TEX10: variants seen among roughly 807,000 people sequenced by gnomAD.
The protein encoded by TEX10 is testis expressed 10, also known as testis-expressed protein 10.
A neutral mutation model predicts 104.4 loss-of-function variants in TEX10; 24 were observed. The ratio of observed to expected loss-of-function variants is 0.23; its 90% CI spans 0.17 to 0.32. TEX10 has a LOEUF of 0.32. TEX10 is among the 10% of genes least tolerant of loss of function. The pLI is 1.00. For missense variants in TEX10, 921 were observed against 1,083.9 expected (o/e 0.85, Z 2.11); for synonymous variants, 396 against 393.4 (o/e 1.01, Z -0.08).
At chr9:100,315,622 A>ATTT (rs1248929183) in intron 11 of TEX10, among the ~76,000 whole-genome samples, 1 of 152,156 alleles carries the variant, frequency 6.6e-6, no homozygotes, top group East Asian at 1.9e-4. Context: ...TGTTTGTATG[A>ATTT]GTATCTTTTA....
At chr9:100,339,978 TA>T (rs1434781964) in intron 5 of TEX10, among the ~76,000 whole-genome samples, 1 of 152,128 alleles carries the variant, frequency 6.6e-6, no homozygotes, top group Non-Finnish European at 1.5e-5. Context: ...AAATAAACCA[TA>T]CACCTTGGCA....
intron 1 of TEX10, among the ~76,000 whole-genome samples, chr9:100,351,659 C>G (rs2118950337): frequency 6.6e-6 from 1 of 152,292 alleles, no homozygotes; most frequent in East Asian, 1.9e-4. Context: ...AGTCTACTGT[C>G]AACTTCATGC....
Position 100,307,461 on chromosome 9 carries a change from C to T in TEX10, c.2465+1039G>A, listed in dbSNP as rs1834169053. The T allele has an allele frequency of 3.3e-5, 5 of 152,102 alleles. No homozygotes were observed. In the South Asian group the frequency reaches 8.3e-4, roughly 25 times the overall value. 9.4% of individuals were successfully genotyped at this position (152,102 alleles called of 1,614,324 possible). ...GAACCCTGGTATGGAGAAATAAAAA[C>T]GAATGAAATACAGCTGAATGAGTCA... On this transcript the variant is annotated intron_variant, in intron 13 of 14. Transcript: ENST00000374902.
At chr9:100,306,841 A>G (rs1164630835) in intron 13 of TEX10, 1 of 152,200 alleles carries the variant, frequency 6.6e-6, no homozygotes, top group African/African-American at 2.4e-5. Context: ...CAGCCACATG[A>G]AGTCAAAGGA....
intron 5 of TEX10, among the ~76,000 whole-genome samples, chr9:100,333,607 AG>A (rs1834928987): frequency 6.7e-6 from 1 of 149,738 alleles, no homozygotes; most frequent in South Asian, 2.1e-4. Flanking sequence ...GTTCAAAATC[AG>A]CCTGGACAAC....
chr9:100,330,868 T>C (rs1028126926), intron 5 of TEX10, among the ~76,000 whole-genome samples: 3 of 148,214 alleles, frequency 2.0e-5, no homozygotes, highest in Non-Finnish European at 4.5e-5. Flanking sequence ...GTAATCCCAG[T>C]GTTTTGGGAG....
chr9:100,329,332 A>G, intron 6 of TEX10, 57 bp from the exon 7 acceptor site: 1 of 1,568,614 alleles, frequency 6.4e-7, no homozygotes, highest in Non-Finnish European at 8.6e-7. Flanking sequence ...AACAGCCCCC[A>G]AATTCCTCTG....
At position 100,329,741 on chromosome 9, in the gene TEX10, C is replaced by T. The variant is rs534417617; in HGVS notation, c.1489+190G>A. ...TTTATCAATCTGCTTCAGAGTGGAC[C>T]TACCCACTTAGAGATACTCTGAGCC... On this transcript the variant is annotated intron_variant, in intron 6 of 14. Coordinates refer to ENST00000374902, the MANE Select transcript of TEX10 (RefSeq NM_017746.4). Among the ~76,000 whole-genome samples the T allele has an allele frequency of 2.0e-5, 3 of 152,050 alleles. No individual in the cohort carries two copies. The East Asian group carries it at 5.8e-4, about 29-fold the overall frequency.
chr9:100,319,540 C>G (rs550510217), intron 11 of TEX10, among the ~76,000 whole-genome samples: 117 of 152,248 alleles, frequency 7.7e-4, no homozygotes, highest in African/African-American at 2.6e-3. Flanking sequence ...TGTGGTGGCT[C>G]ACGCCTGTAA....
intron 1 of TEX10, chr9:100,352,289 C>A: frequency 2.7e-6 from 4 of 1,464,562 alleles, no homozygotes; most frequent in East Asian, 2.5e-5. Context: ...GCAGGGGCGA[C>A]CCCAGAAAAC....
chr9:100,311,404 A>G (rs1834278721), intron 11 of TEX10, among the ~76,000 whole-genome samples: 1 of 152,170 alleles, frequency 6.6e-6, no homozygotes, highest in African/African-American at 2.4e-5. Context: ...TGTCTCCAAA[A>G]AATAAGTGTT....
intron 13 of TEX10, chr9:100,304,933 A>C (rs1306963743): frequency 6.6e-6 from 1 of 152,226 alleles, no homozygotes; most frequent in African/African-American, 2.4e-5. Context: ...ACAAAAAATG[A>C]CAAGTGGGCC....
intron 7 of TEX10, among the ~76,000 whole-genome samples, chr9:100,328,909 T>C (rs555109083): frequency 5.3e-5 from 8 of 152,214 alleles, no homozygotes; most frequent in Non-Finnish European, 1.2e-4. Flanking sequence ...AGTGGACAGG[T>C]AGAAATGCAT....
rs138769656 is a variant in TEX10, at chr9:100,340,036, C to T, written c.1250+221G>A. ...CATAAGCTGATACATTCATCTAGCA[C>T]AAAAAAACCATTTTACAGACTAAAA... On this transcript the variant is annotated intron_variant, in intron 5 of 14. Transcript: ENST00000374902. 4.7e-3 allele frequency among the ~76,000 whole-genome samples: 715 copies of T among 151,960 alleles called. 4 individuals are homozygous for T. Among genetic ancestry groups the T allele is most frequent in the Non-Finnish European group, 8.5e-3 (577 of 67,936 alleles).
At position 100,349,567 on chromosome 9, in the gene TEX10, C is replaced by T. The variant is rs146561882; in HGVS notation, c.-9-195G>A. 4.3e-3 allele frequency among the ~76,000 whole-genome samples: 660 copies of T among 152,230 alleles called. 4 individuals carry two copies. The highest frequency in any genetic ancestry group is 0.015 in the African/African-American group (635 of 41,542). On this transcript the variant is annotated intron_variant, in intron 1 of 14. Coordinates refer to ENST00000374902, the MANE Select transcript of TEX10 (RefSeq NM_017746.4). ...TCAGTTTAGTGATAAAATACTGTAACAAGGCAACAGTCTTGCCACGGTTTT... is the reference window on the plus strand; with the variant it reads ...TCAGTTTAGTGATAAAATACTGTAATAAGGCAACAGTCTTGCCACGGTTTT...
chr9:100,322,633 G>A (rs1450314645), intron 9 of TEX10, among the ~76,000 whole-genome samples: 1 of 151,180 alleles, frequency 6.6e-6, no homozygotes, highest in Admixed American at 6.6e-5. Flanking sequence ...ATATTTTTTG[G>A]GGGGATGGAG....
At chr9:100,347,525 A>C (rs1417552719) in intron 2 of TEX10, 119 bp from the exon 3 acceptor site, 2 of 676,466 alleles carry the variant, frequency 3.0e-6, no homozygotes, top group Non-Finnish European at 4.6e-6. Flanking sequence ...TGCTTCAATA[A>C]GTACTTTTTA....
intron 11 of TEX10, among the ~76,000 whole-genome samples, chr9:100,315,803 G>C (rs962705675): frequency 6.6e-6 from 1 of 152,164 alleles, no homozygotes; most frequent in Non-Finnish European, 1.5e-5. Flanking sequence ...TAAATGACTA[G>C]ACACTATTCT....
At chr9:100,337,433 TATA>T (rs1481623516) in intron 5 of TEX10, among the ~76,000 whole-genome samples, 2 of 152,228 alleles carry the variant, frequency 1.3e-5, no homozygotes, top group African/African-American at 4.8e-5. Context: ...TACACATACA[TATA>T]ATTCTCCATC....
Sources: allele counts gnomAD v4.1 joint callset (sites outside exome capture counted in the v4.1 genomes callset), GRCh38; gene constraint gnomAD v4.1.1; transcripts MANE v1.5; gene names NCBI Gene and HGNC (gene_info 2026-07-23, HGNC 2026-07-21).